PTPRR: variants seen among roughly 807,000 people sequenced by gnomAD.
The protein encoded by PTPRR is receptor-type tyrosine-protein phosphatase R.
In PTPRR, 38 loss-of-function variants were observed where a neutral mutation model predicts 77.2. That is an observed-to-expected ratio of 0.49 (90% confidence interval 0.38 to 0.65). The LOEUF (loss-of-function observed/expected upper bound fraction) is 0.65. Ranked by LOEUF, PTPRR falls within the 30% of genes least tolerant of loss-of-function variation. PTPRR has a pLI of 0.00. For synonymous variants in PTPRR, 299 were observed against 283.1 expected (o/e 1.06, Z -0.57); for missense variants, 744 against 799.2 (o/e 0.93, Z 0.83).
intron 4 of PTPRR, among the ~76,000 whole-genome samples, chr12:70,757,055 C>T (rs566258287): frequency 7.9e-4 from 120 of 152,194 alleles, no homozygotes; most frequent in Non-Finnish European, 1.4e-3. Context: ...TCTGAATGGT[C>T]GAATACAGGT....
At chr12:70,806,250 T>C (rs1361457862) in intron 2 of PTPRR, among the ~76,000 whole-genome samples, 1 of 152,170 alleles carries the variant, frequency 6.6e-6, no homozygotes, top group Non-Finnish European at 1.5e-5. Flanking sequence ...TCTGAGTCAT[T>C]ACTCTAGACA....
chr12:70,687,269 G>C (rs1887902826), intron 8 of PTPRR, among the ~76,000 whole-genome samples: 1 of 18,042 alleles, frequency 5.5e-5, no homozygotes, highest in Non-Finnish European at 2.8e-4. Context: ...AAAATATATA[G>C]TAAAATTTTG....
At chr12:70,822,501 A>G (rs1167400923) in intron 2 of PTPRR, among the ~76,000 whole-genome samples, 1 of 152,208 alleles carries the variant, frequency 6.6e-6, no homozygotes, top group African/African-American at 2.4e-5. Flanking sequence ...TCAGCCAATT[A>G]TTCATTTATT....
At chr12:70,851,672 C>A (rs1330763669) in intron 2 of PTPRR, among the ~76,000 whole-genome samples, 1 of 152,162 alleles carries the variant, frequency 6.6e-6, no homozygotes, top group Non-Finnish European at 1.5e-5. Context: ...TTTCTATCAT[C>A]ACAGTTCATC....
At chr12:70,754,409 A>G (rs527309480) in intron 4 of PTPRR, 108 bp from the exon 5 acceptor site, 28 of 1,573,208 alleles carry the variant, frequency 1.8e-5, no homozygotes, top group Non-Finnish European at 8.6e-7. Flanking sequence ...AGTGTAGTGC[A>G]ACACACCTAC....
intron 4 of PTPRR, among the ~76,000 whole-genome samples, chr12:70,759,297 A>G (rs1000088268): frequency 2.0e-5 from 3 of 152,164 alleles, no homozygotes; most frequent in Non-Finnish European, 4.4e-5. Flanking sequence ...AAATGAAGGC[A>G]ATGAAGACAC....
At chr12:70,794,391 G>A (rs1273693242) in intron 2 of PTPRR, among the ~76,000 whole-genome samples, 3 of 152,158 alleles carry the variant, frequency 2.0e-5, no homozygotes, top group Non-Finnish European at 4.4e-5. Flanking sequence ...TCTTGGAATG[G>A]AATTTGTCCT....
intron 2 of PTPRR, among the ~76,000 whole-genome samples, chr12:70,765,224 A>T (rs987815722): frequency 1.3e-5 from 2 of 152,230 alleles, no homozygotes; most frequent in African/African-American, 4.8e-5. Context: ...TCACTCGGGA[A>T]GTGCAAGGGC....
chr12:70,867,632 A>T (rs988656403), intron 2 of PTPRR, among the ~76,000 whole-genome samples: 1 of 151,558 alleles, frequency 6.6e-6, no homozygotes, highest in Non-Finnish European at 1.5e-5. Context: ...TATAGATTCA[A>T]TGCCATCCCC....
chr12:70,877,952 T>C lies in PTPRR; in HGVS notation c.357+14727A>G, dbSNP rs573652705. 4.0e-3 allele frequency among the ~76,000 whole-genome samples: 615 copies of C among 152,208 alleles called. 4 individuals are homozygous for C. Among genetic ancestry groups the C allele is most frequent in the African/African-American group, 0.014 (586 of 41,534 alleles). The stretch of plus-strand genomic sequence containing the variant: ...GCCCTAAGAAATAATGCTGCATATC[T>C]ACAACTATCTGATCTTTGACAAACC... On this transcript the variant is annotated intron_variant, in intron 2 of 13. Transcript: ENST00000283228.
At chr12:70,691,988 C>T (rs1036010021) in intron 8 of PTPRR, among the ~76,000 whole-genome samples, 1 of 152,122 alleles carries the variant, frequency 6.6e-6, no homozygotes, top group Non-Finnish European at 1.5e-5. Context: ...TATTTATTAC[C>T]TGTAAATCAT....
chr12:70,752,298 C>T (rs1890426599), intron 5 of PTPRR, among the ~76,000 whole-genome samples: 1 of 152,158 alleles, frequency 6.6e-6, no homozygotes, highest in African/African-American at 2.4e-5. Flanking sequence ...GAGCAATCAC[C>T]TATACTTCTG....
intron 2 of PTPRR, among the ~76,000 whole-genome samples, chr12:70,790,839 C>T (rs939780401): frequency 6.6e-6 from 1 of 152,102 alleles, no homozygotes; most frequent in Non-Finnish European, 1.5e-5. Flanking sequence ...GAGACTCCAT[C>T]TCAAAAACAA....
At chr12:70,789,694 T>C (rs773531392) in intron 2 of PTPRR, among the ~76,000 whole-genome samples, 3 of 152,126 alleles carry the variant, frequency 2.0e-5, no homozygotes, top group African/African-American at 4.8e-5. Flanking sequence ...AATAGTCTGA[T>C]AGAAAAAGGG....
chr12:70,649,212 T>C (rs977835600), intron 13 of PTPRR, among the ~76,000 whole-genome samples: 3 of 152,172 alleles, frequency 2.0e-5, no homozygotes, highest in Admixed American at 6.5e-5. Context: ...GGGGTGGTGG[T>C]GGTGGAAATC....
At chr12:70,812,741 C>T (rs964736268) in intron 2 of PTPRR, among the ~76,000 whole-genome samples, 4 of 152,174 alleles carry the variant, frequency 2.6e-5, no homozygotes, top group African/African-American at 9.7e-5. Flanking sequence ...AAGAAAAGCA[C>T]ACTCTTCAGA....
intron 13 of PTPRR, among the ~76,000 whole-genome samples, chr12:70,655,443 C>T (rs867115573): frequency 7.9e-5 from 12 of 152,274 alleles, no homozygotes; most frequent in Middle Eastern, 3.4e-3. Flanking sequence ...TATTTGCATA[C>T]GCATGTTCAT....
chr12:70,756,475 T>C (rs907361492), intron 4 of PTPRR, among the ~76,000 whole-genome samples: 27 of 152,190 alleles, frequency 1.8e-4, no homozygotes, highest in Admixed American at 1.8e-3. Flanking sequence ...TTCACAAGAA[T>C]CTTCAATCTA....
intron 1 of PTPRR, among the ~76,000 whole-genome samples, chr12:70,915,631 G>T (rs541611079): frequency 6.6e-6 from 1 of 152,200 alleles, no homozygotes; most frequent in East Asian, 1.9e-4. Flanking sequence ...CAGTTTGAAA[G>T]ACTTTTTTCA....
Sources: gnomAD v4.1 joint callset for allele counts (sites outside exome capture counted in the v4.1 genomes callset) on GRCh38, gnomAD v4.1.1 for gene constraint, MANE v1.5 for transcripts, NCBI Gene and HGNC (gene_info 2026-07-23, HGNC 2026-07-21) for gene names.